CORO2B: variants seen among roughly 807,000 people sequenced by gnomAD.
The protein encoded by CORO2B is coronin 2B.
A neutral mutation model predicts 58.8 loss-of-function variants in CORO2B; 26 were observed. That is an observed-to-expected ratio of 0.44 (90% CI 0.32 to 0.61). The LOEUF (loss-of-function observed/expected upper bound fraction) is 0.61, where lower values mean the gene tolerates loss of function less well. CORO2B is among the 20% of genes least tolerant of loss of function. The pLI is 0.04. For synonymous variants in CORO2B, 242 were observed against 253.8 expected (o/e 0.95, Z 0.44); for missense variants, 460 against 645.1 (o/e 0.71, Z 3.11).
chr15:68,572,493 C>T, the CORO2B span, among the ~76,000 whole-genome samples: 2 of 152,128 alleles, frequency 1.3e-5, no homozygotes, highest in Non-Finnish European at 2.9e-5. Flanking sequence ...ACAACTCCTT[C>T]ATATCTGTTT....
intron 1 of CORO2B, among the ~76,000 whole-genome samples, chr15:68,579,720 C>G (rs1029734763): frequency 6.6e-6 from 1 of 152,222 alleles, no homozygotes; most frequent in Non-Finnish European, 1.5e-5. Context: ...CCCACCCCAC[C>G]TGCCAGCCTC....
At position 68,584,597 on chromosome 15, in the gene CORO2B, C is replaced by T. The variant is rs555493423; in HGVS notation, c.15+5320C>T. ...CCGCCAGGGCCAGGGCTGGTGGAGT[C>T]TCGGCTCCTGGCACCCGGGCAGCCC... On this transcript the variant is annotated intron_variant, in intron 1 of 11. Coordinates refer to ENST00000261861, the MANE Select transcript of CORO2B (RefSeq NM_006091.5). 2.1e-3 allele frequency among the ~76,000 whole-genome samples: 323 copies of T among 152,248 alleles called. 1 individual carries two copies. Among genetic ancestry groups the T allele is most frequent in the Non-Finnish European group, 2.5e-3 (171 of 68,004 alleles).
At chr15:68,629,597 C>T (rs572328119) in intron 1 of CORO2B, among the ~76,000 whole-genome samples, 307 of 152,294 alleles carry the variant, frequency 2.0e-3, no homozygotes, top group Non-Finnish European at 3.6e-3. Context: ...GGGGATGAAA[C>T]GATGTGCAGG....
chr15:68,529,931 T>C, the CORO2B span, among the ~76,000 whole-genome samples: 4 of 152,244 alleles, frequency 2.6e-5, no homozygotes, highest in African/African-American at 9.6e-5. Flanking sequence ...GTGAAGTGTT[T>C]AATTTCCATA....
At chr15:68,632,281 AAAG>A in intron 1 of CORO2B, 1 of 985,500 alleles carries the variant, frequency 1.0e-6, no homozygotes, top group Non-Finnish European at 1.2e-6. Context: ...TTGGATGTGC[AAAG>A]AAGATACAAG....
chr15:68,723,680 C>T (rs35044293), intron 11 of CORO2B, among the ~76,000 whole-genome samples: 26,509 of 152,006 alleles, frequency 0.17, 2,853 homozygotes, highest in Non-Finnish European at 0.24. Context: ...TCTTGAACTC[C>T]TGACCTCGTG....
At chr15:68,671,774 T>G (rs1902402855) in intron 2 of CORO2B, among the ~76,000 whole-genome samples, 1 of 152,168 alleles carries the variant, frequency 6.6e-6, no homozygotes, top group East Asian at 1.9e-4. Flanking sequence ...GTGATCCAGG[T>G]GAGAGCAAGA....
intron 1 of CORO2B, among the ~76,000 whole-genome samples, chr15:68,616,813 T>G (rs1900372371): frequency 6.6e-6 from 1 of 152,220 alleles, no homozygotes; most frequent in African/African-American, 2.4e-5. Flanking sequence ...TGGATTTGGT[T>G]CTGGAACCAA....
At chr15:68,634,851 G>A (rs75147567) in intron 1 of CORO2B, among the ~76,000 whole-genome samples, 7,692 of 152,238 alleles carry the variant, frequency 0.051, 333 homozygotes, top group Middle Eastern at 0.13. Flanking sequence ...TTGAGTCAAG[G>A]GTGGGGCCTG....
upstream of CORO2B, among the ~76,000 whole-genome samples, chr15:68,575,686 C>G (rs12439338): frequency 0.62 from 94,290 of 150,948 alleles, 31,250 homozygotes; most frequent in East Asian, 0.87. Flanking sequence ...CTCAACCGCA[C>G]TACTCCCCAC....
intron 1 of CORO2B, among the ~76,000 whole-genome samples, chr15:68,619,675 G>GTATATATATATA (rs1367454299): frequency 6.6e-6 from 1 of 152,086 alleles, no homozygotes; most frequent in African/African-American, 2.4e-5. Flanking sequence ...ATGTGTGTGT[G>GTATATATATATA]TGTGTATATA....
the CORO2B span, among the ~76,000 whole-genome samples, chr15:68,528,064 A>T: frequency 5.8e-3 from 876 of 152,296 alleles, 10 homozygotes; most frequent in African/African-American, 0.02. Flanking sequence ...TTCTATGTAC[A>T]CAATTATGTT....
Position 68,611,775 on chromosome 15 carries a change from C to CT in CORO2B, c.15+32512dup, listed in dbSNP as rs200948998. 4.8e-3 allele frequency among the ~76,000 whole-genome samples: 678 copies of CT among 140,026 alleles called. 3 individuals carry two copies. Among genetic ancestry groups the CT allele is most frequent in the Middle Eastern group, 0.03 (8 of 270 alleles). 91.9% of individuals were successfully genotyped at this position (140,026 alleles called of 152,430 possible). On this transcript the variant is annotated intron_variant, in intron 1 of 11. Transcript: ENST00000261861. ...GTTTTTCCAATTTTCCACTTTTTTT[C>CT]TTTTTTTTTTTTTTGAGACAAGATC...
chr15:68,570,716 G>A, the CORO2B span, among the ~76,000 whole-genome samples: 26 of 151,604 alleles, frequency 1.7e-4, no homozygotes, highest in Non-Finnish European at 2.9e-4. Context: ...CTTAGGGAAG[G>A]AAAGGGTCTG....
chr15:68,670,287 ACCT>A (rs1329851675), intron 2 of CORO2B, among the ~76,000 whole-genome samples: 1 of 151,848 alleles, frequency 6.6e-6, no homozygotes, highest in African/African-American at 2.4e-5. Flanking sequence ...CTATCCTACC[ACCT>A]CAGCCTCCCA....
intron 1 of CORO2B, among the ~76,000 whole-genome samples, chr15:68,608,093 C>T (rs569339788): frequency 3.9e-5 from 6 of 152,370 alleles, no homozygotes; most frequent in South Asian, 2.1e-4. Flanking sequence ...ATGCCACCAA[C>T]GTGAAAGAAC....
the CORO2B span, among the ~76,000 whole-genome samples, chr15:68,568,393 T>C: frequency 6.6e-6 from 1 of 151,910 alleles, no homozygotes; most frequent in Non-Finnish European, 1.5e-5. Flanking sequence ...CTGGCTACCA[T>C]TTTCATCATC....
chr15:68,531,510 A>G, the CORO2B span, among the ~76,000 whole-genome samples: 2 of 5,646 alleles, frequency 3.5e-4, no homozygotes, highest in Non-Finnish European at 8.6e-4. Flanking sequence ...AAAGGAAGGA[A>G]GGAAGGAAGG....
intron 2 of CORO2B, among the ~76,000 whole-genome samples, chr15:68,692,632 C>CTT (rs139335081): frequency 0.016 from 2,212 of 139,060 alleles, 36 homozygotes; most frequent in East Asian, 0.078. Flanking sequence ...AAAAACTTTC[C>CTT]TTTTTTTTTT....
Sources: allele counts gnomAD v4.1 joint callset (sites outside exome capture counted in the v4.1 genomes callset), GRCh38; gene constraint gnomAD v4.1.1; transcripts MANE v1.5; gene names NCBI Gene and HGNC (gene_info 2026-07-23, HGNC 2026-07-21).